SYT8: variants seen among roughly 807,000 people sequenced by gnomAD.
SYT8 encodes synaptotagmin-8.
SYT8 carries 50 observed loss-of-function variants against 34.9 expected under a neutral mutation model. That is an observed-to-expected ratio of 1.43 (90% confidence interval 1.14 to 1.81). The LOEUF (loss-of-function observed/expected upper bound fraction) is 1.81. Ranked by LOEUF, SYT8 falls within the 40% of genes most tolerant of loss-of-function variation. The pLI is 0.00. For synonymous variants in SYT8, 255 were observed against 234.2 expected (o/e 1.09, Z -0.81); for missense variants, 595 against 529.0 (o/e 1.12, Z -1.22).
At chr11:1,837,146 G>A (rs1846991836) in intron 7 of SYT8, 46 bp from the exon 8 acceptor site, 3 of 1,599,086 alleles carry the variant, frequency 1.9e-6, no homozygotes, top group Non-Finnish European at 2.6e-6. Context: ...CACGATGACT[G>A]TGGTCTTTCT....
rs1846945639 is a variant in SYT8, at chr11:1,836,536, G to A, written c.628G>A (p.Asp210Asn). The change falls in exon 5 of 8, where the codon GAT becomes AAT. Residue 210 changes from aspartate (D) to asparagine (N), a missense_variant. Transcript: ENST00000341958. ...GCTCCGTCTGCCACTGGGCACCGTGGATCTGCAGCATGTTCTGGAGCACTG... is the reference window on the plus strand; with the variant it reads ...GCTCCGTCTGCCACTGGGCACCGTGAATCTGCAGCATGTTCTGGAGCACTG... ...GELRLPLGTV[D>N]LQHVLEHWYL... is the part of the protein sequence containing the mutation. 1 of 1,612,610 alleles carries A rather than the reference G, an allele frequency of 6.2e-7. No individual in the cohort carries two copies. Among genetic ancestry groups the A allele is most frequent in the Non-Finnish European group, 8.5e-7 (1 of 1,179,948 alleles).
rs144532203 is a variant in SYT8 at position 1,835,186 on chromosome 11, C to T, written c.81C>T (p.Val27=). ...TACCTGGGCTTATTCCAGACCTTGT[C>T]GCCGGGACCCCCTGTGAGTTGTGGG... ...TAIPGLIPDL[V]AGTPWPRWAL... Residue 27 remains valine (V), a synonymous_variant, in exon 1 of 8, where the codon GTC becomes GTT. Coordinates refer to ENST00000341958, the MANE Select transcript of SYT8 (RefSeq NM_001394072.1). 3.0e-5 allele frequency: 48 copies of T among 1,613,296 alleles called. No individual in the cohort carries two copies. Among genetic ancestry groups the T allele is most frequent in the African/African-American group, 1.9e-4 (14 of 75,058 alleles).
chr11:1,836,743 T>C lies in SYT8; in HGVS notation c.685-13T>C. 1.2e-6 allele frequency: 2 copies of C among 1,607,288 alleles called. No individual in the cohort carries two copies. Among genetic ancestry groups the C allele is most frequent in the Non-Finnish European group, 1.7e-6 (2 of 1,179,054 alleles). On this transcript the variant is annotated splice_polypyrimidine_tract_variant and intron_variant, in intron 5 of 7. Coordinates refer to ENST00000341958, the MANE Select transcript of SYT8 (RefSeq NM_001394072.1). ...TCACCCTCCCGGGCTGAAGCCCCTCTTGCTGCCCACAGCCCGAGCAGGTCG... is the reference window on the plus strand; with the variant it reads ...TCACCCTCCCGGGCTGAAGCCCCTCCTGCTGCCCACAGCCCGAGCAGGTCG...
At chr11:1,836,882 CGTT>C in intron 6 of SYT8, 21 bp downstream of exon 6, 1 of 1,612,496 alleles carries the variant, frequency 6.2e-7, no homozygotes, top group Non-Finnish European at 8.5e-7. Context: ...CACCTGCCCA[CGTT>C]GTTGTACAGA....
chr11:1,837,506 A>G lies in SYT8; in HGVS notation c.*75A>G, dbSNP rs1847022164. On this transcript the variant is annotated 3_prime_UTR_variant, in exon 8 of 8. Transcript: ENST00000341958. ...CCGCCCTGCAGGACCACTGCAATAA[A>G]CGCCTTCTCCTGCCACTGTGTGTCC... The G allele has an allele frequency of 3.2e-6, 5 of 1,554,464 alleles. No individual in the cohort carries two copies. The highest frequency in any genetic ancestry group is 4.3e-6 in the Non-Finnish European group (5 of 1,153,584).
In SYT8 at chr11:1,835,962, A is replaced by C. The variant is rs762809025; in HGVS notation, c.335A>C (p.Glu112Ala). ...QQWGCLQLSL[E>A]FDFGSQEIRV... The stretch of plus-strand genomic sequence containing the variant: ...TGGGGGTGCCTGCAGCTCTCCCTGG[A>C]GTTCGACTTTGGAAGCCAGGAGGTG... Residue 112 changes from glutamate to alanine, a missense_variant, in exon 3 of 8, where the codon GAG becomes GCG. Glu to Ala is a moderately radical substitution (Grantham distance 107, BLOSUM62 -1). Coordinates refer to ENST00000341958, the MANE Select transcript of SYT8 (RefSeq NM_001394072.1). The C allele has an allele frequency of 9.3e-6, 15 of 1,606,128 alleles. No individual in the cohort carries two copies. Among genetic ancestry groups the C allele is most frequent in the Admixed American group, 1.7e-5 (1 of 57,334 alleles).
chr11:1,835,497 G>C (rs1305384065), intron 2 of SYT8, 38 bp downstream of exon 2: 1 of 1,604,126 alleles, frequency 6.2e-7, no homozygotes, highest in East Asian at 2.2e-5. Context: ...TCCAGAGAGG[G>C]CTTGAAATCC....
chr11:1,837,039 C>T lies in SYT8; in HGVS notation c.873C>T (p.Ala291=). 6.2e-7 allele frequency: 1 copy of T among 1,613,820 alleles called. No homozygotes were observed. The highest frequency in any genetic ancestry group is 8.5e-7 in the Non-Finnish European group (1 of 1,180,000). The stretch of plus-strand genomic sequence containing the variant: ...CAGCCACCAAAAAGGGCACGGCGGC[C>T]CCCTACTTCAATGAGGCCTTCACCT... ...RKTATKKGTA[A]PYFNEAFTFL... is the part of the protein sequence containing the mutation. Residue 291 remains alanine, a synonymous_variant, in exon 7 of 8, where the codon GCC becomes GCT. Coordinates refer to ENST00000341958, the MANE Select transcript of SYT8 (RefSeq NM_001394072.1).
upstream of SYT8, among the ~76,000 whole-genome samples, chr11:1,833,335 A>T (rs1271965427): frequency 6.6e-6 from 1 of 152,210 alleles, no homozygotes. Context: ...GAACTCGACA[A>T]GCTCCGTCAT....
Position 1,837,483 on chromosome 11 carries a change from G to A in SYT8, c.*52G>A, listed in dbSNP as rs925409924. 13 of 1,586,556 alleles carry A rather than the reference G, an allele frequency of 8.2e-6. No homozygotes were observed. The highest frequency in any genetic ancestry group is 4.5e-5 in the East Asian group (2 of 44,442). ...CTGAGCCCAGGCACTTGCCCAGGCC[G>A]CCCTGCAGGACCACTGCAATAAACG... On this transcript the variant is annotated 3_prime_UTR_variant, in exon 8 of 8. Transcript: ENST00000341958.
At chr11:1,832,049 G>A (rs2133004730), upstream of SYT8, among the ~76,000 whole-genome samples, 1 of 152,340 alleles carries the variant, frequency 6.6e-6, no homozygotes, top group Admixed American at 6.5e-5. Flanking sequence ...AGCCTGAAAT[G>A]GTGCCCGCCT....
chr11:1,834,255 A>C, upstream of SYT8: 4 of 472,622 alleles, frequency 8.5e-6, no homozygotes, highest in East Asian at 4.4e-5. The surrounding 1 kb of genome is among the most constrained non-coding windows in gnomAD (Gnocchi z 4.5). Context: ...GCAGGCGGGT[A>C]CAGGGGCCAG....
At chr11:1,836,896 G>C (rs375032242) in intron 6 of SYT8, 35 bp downstream of exon 6, 3 of 1,611,854 alleles carry the variant, frequency 1.9e-6, no homozygotes, top group Non-Finnish European at 2.5e-6. Flanking sequence ...GTTGTACAGA[G>C]GGGGGGCCCG....
Position 1,836,172 on chromosome 11 carries a change from C to G in SYT8, c.404C>G (p.Thr135Ser). 2 of 1,544,990 alleles carry G rather than the reference C, an allele frequency of 1.3e-6. No homozygotes were observed. Among genetic ancestry groups the G allele is most frequent in the Non-Finnish European group, 1.7e-6 (2 of 1,148,198 alleles). Residue 135 changes from threonine (T) to serine (S), a missense_variant, in exon 4 of 8, where the codon ACC becomes AGC. By Grantham distance (58) the Thr-to-Ser change is moderately conservative (BLOSUM62 1). Transcript: ENST00000341958. The stretch of plus-strand genomic sequence containing the variant: ...GCAGCCGACCTGAGGCCTGGGGGCA[C>G]CGTGGACCCCTATGCCCGGGTCAGC... The part of the protein sequence containing the change: ...RQAADLRPGG[T>S]VDPYARVSVS...
intron 2 of SYT8, 93 bp downstream of exon 2, chr11:1,835,552 T>C: frequency 6.9e-7 from 1 of 1,452,616 alleles, no homozygotes; most frequent in Non-Finnish European, 9.4e-7. Context: ...GCCCCAGGGA[T>C]GGTTTAACCC....
At chr11:1,836,674 G>T in intron 5 of SYT8, 82 bp downstream of exon 5, 1 of 1,593,760 alleles carries the variant, frequency 6.3e-7, no homozygotes, top group Non-Finnish European at 8.5e-7. Flanking sequence ...AGACAGGCCT[G>T]ATGGGCAGCA....
chr11:1,836,692 G>A (rs1416329175), intron 5 of SYT8, 64 bp from the exon 6 acceptor site: 5 of 1,593,446 alleles, frequency 3.1e-6, no homozygotes, highest in Non-Finnish European at 4.3e-6. Context: ...GCATTTTCGG[G>A]GGTCTGAGCC....
Position 1,836,114 on chromosome 11 carries a change from G to A in SYT8, c.358-12G>A, listed in dbSNP as rs768678733. 3.2e-5 allele frequency: 48 copies of A among 1,506,558 alleles called. No homozygotes were observed. The highest frequency in any genetic ancestry group is 1.7e-4 in the East Asian group (7 of 41,854). 93.3% of individuals were successfully genotyped at this position (1,506,558 alleles called of 1,614,324 possible). A position where few individuals can be genotyped will look rare whatever the true frequency, so the allele number is the denominator to read the frequency against. On this transcript the variant is annotated splice_polypyrimidine_tract_variant and intron_variant, in intron 3 of 7. Transcript: ENST00000341958. ...AGGGGCCCTTGGCTGAGCCCACCCC[G>A]CTGGCTCCCAGATCAGGGTGGGCCT...
chr11:1,836,579 C>T lies in SYT8; in HGVS notation c.671C>T (p.Pro224Leu), dbSNP rs751238751. ...VLEHWYLLGP[P>L]AATQPEQVGE... ...GAGCACTGGTACCTGCTGGGCCCGC[C>T]GGCTGCCACTCAGGTGAGGTGCTGG... The change falls in exon 5 of 8, where the codon CCG (proline) becomes CTG (leucine). Residue 224 changes from proline (P) to leucine (L), a missense_variant. Physicochemically the swap from Pro to Leu is moderately conservative, Grantham distance 98. Coordinates refer to ENST00000341958, the MANE Select transcript of SYT8 (RefSeq NM_001394072.1). 98 of 1,610,792 alleles carry T rather than the reference C, an allele frequency of 6.1e-5. No individual in the cohort carries two copies. The South Asian group carries it at 7.8e-4, about 13-fold the overall frequency.
Sources: gnomAD v4.1 joint callset for allele counts (sites outside exome capture counted in the v4.1 genomes callset) on GRCh38, gnomAD v4.1.1 for gene constraint, Gnocchi (gnomAD v3.1) non-coding constraint, MANE v1.5 for transcripts, NCBI Gene and HGNC (gene_info 2026-07-23, HGNC 2026-07-21) for gene names.